STOX1: variants seen among roughly 807,000 people sequenced by gnomAD.
STOX1 encodes the protein storkhead box 1.
Under a neutral mutation model 74.8 loss-of-function variants are expected in STOX1, and 57 were observed. That is an observed-to-expected ratio of 0.76 (90% confidence interval 0.62 to 0.95). The LOEUF is 0.95. Ranked by LOEUF, STOX1 falls within the 40% of genes least tolerant of loss-of-function variation. The pLI, the probability that STOX1 is intolerant of heterozygous loss-of-function variation, is 0.00. For synonymous variants in STOX1, 375 were observed against 401.3 expected, an observed-to-expected ratio of 0.93 and a Z score of 0.78; for missense variants, 1,010 against 1,117.0, an observed-to-expected ratio of 0.90 and a Z score of 1.37.
intron 1 of STOX1, among the ~76,000 whole-genome samples, chr10:68,830,544 T>A (rs1839379248): frequency 6.6e-6 from 1 of 152,150 alleles, no homozygotes; most frequent in Admixed American, 6.6e-5. Context: ...GGTTTCACCA[T>A]GTTGGCCAGA....
At chr10:68,856,092 G>C (rs1840119395) in intron 1 of STOX1, among the ~76,000 whole-genome samples, 1 of 151,994 alleles carries the variant, frequency 6.6e-6, no homozygotes, top group African/African-American at 2.4e-5. Context: ...GAGGGCACAG[G>C]GTAGCAGGTT....
chr10:68,833,997 C>A (rs1242613767), intron 1 of STOX1, among the ~76,000 whole-genome samples: 1 of 152,170 alleles, frequency 6.6e-6, no homozygotes, highest in Non-Finnish European at 1.5e-5. Flanking sequence ...CTGGTTCACA[C>A]AATCTTCTCC....
At chr10:68,857,411 T>C (rs1398102472) in intron 1 of STOX1, among the ~76,000 whole-genome samples, 5 of 152,108 alleles carry the variant, frequency 3.3e-5, no homozygotes, top group South Asian at 2.1e-4. Context: ...TTTAACCTTC[T>C]GGAATATACA....
At chr10:68,880,184 TTTTTG>T (rs1190257062) in intron 1 of STOX1, among the ~76,000 whole-genome samples, 1 of 75,148 alleles carries the variant, frequency 1.3e-5, no homozygotes, top group Non-Finnish European at 3.3e-5. Flanking sequence ...TTTTTTTTTG[TTTTTG>T]TTTTGTTTTC....
At chr10:68,854,183 A>G (rs1286215176) in intron 1 of STOX1, among the ~76,000 whole-genome samples, 1 of 151,056 alleles carries the variant, frequency 6.6e-6, no homozygotes, top group African/African-American at 2.4e-5. Context: ...TTAGTAGAGA[A>G]GGAGTTTCAC....
intron 1 of STOX1, among the ~76,000 whole-genome samples, chr10:68,875,239 C>T (rs1432361604): frequency 1.3e-5 from 2 of 152,208 alleles, no homozygotes; most frequent in African/African-American, 4.8e-5. Flanking sequence ...ACTGGGTAGG[C>T]CCATGTGCTG....
intron 1 of STOX1, among the ~76,000 whole-genome samples, chr10:68,844,600 G>A (rs1443168977): frequency 6.6e-6 from 1 of 151,964 alleles, no homozygotes; most frequent in Non-Finnish European, 1.5e-5. Context: ...TGCCTCGCCT[G>A]TATCTTCTTT....
At chr10:68,861,892 C>T (rs1190522390) in intron 1 of STOX1, among the ~76,000 whole-genome samples, 1 of 151,908 alleles carries the variant, frequency 6.6e-6, no homozygotes, top group East Asian at 1.9e-4. Context: ...TTATTTTTTT[C>T]TATTCATGCT....
At chr10:68,829,447 G>A (rs1839350311) in intron 1 of STOX1, among the ~76,000 whole-genome samples, 1 of 152,212 alleles carries the variant, frequency 6.6e-6, no homozygotes, top group Admixed American at 6.5e-5. Flanking sequence ...AATCCAGGAG[G>A]TGGTGGTTGC....
chr10:68,882,043 T>C lies in STOX1; in HGVS notation c.396T>C (p.Asp132=), dbSNP rs576628714. The change falls in exon 2 of 4, where the codon GAT becomes GAC. Residue 132 remains aspartate, a synonymous_variant. Coordinates refer to ENST00000298596, the MANE Select transcript of STOX1 (RefSeq NM_152709.5). ...LGEVLCCAIS[D]MNTAQIVVTQ... is the part of the protein sequence containing the mutation. ...AAGTTCTTTGCTGTGCTATATCTGA[T>C]ATGAATACAGCTCAGATTGTAGTAA... 1.2e-6 allele frequency: 2 copies of C among 1,613,736 alleles called. No homozygotes were observed. The highest frequency in any genetic ancestry group is 1.1e-5 in the South Asian group (1 of 91,080).
At chr10:68,857,306 A>T (rs1840152092) in intron 1 of STOX1, among the ~76,000 whole-genome samples, 1 of 152,068 alleles carries the variant, frequency 6.6e-6, no homozygotes, top group Admixed American at 6.5e-5. Context: ...GTTTACATGA[A>T]GGAGAAAAAG....
intron 3 of STOX1, among the ~76,000 whole-genome samples, chr10:68,889,938 TTG>T (rs554729021): frequency 1.3e-5 from 2 of 150,896 alleles, no homozygotes. Context: ...CCCAGCTATT[TTG>T]TGTGTGTGTG....
chr10:68,887,035 AC>A (rs1207950998), intron 3 of STOX1, among the ~76,000 whole-genome samples: 2 of 152,248 alleles, frequency 1.3e-5, no homozygotes, highest in Non-Finnish European at 2.9e-5. Flanking sequence ...CTATAATGAT[AC>A]AATTCTGCCA....
At chr10:68,886,650 CG>C (rs1564589618) in intron 3 of STOX1, 32 bp downstream of exon 3, 1 of 1,599,916 alleles carries the variant, frequency 6.3e-7, no homozygotes, top group Non-Finnish European at 8.5e-7. Flanking sequence ...TGATTTAGGC[CG>C]GGCGCAGTGG....
chr10:68,858,502 T>C (rs1289380895), intron 1 of STOX1, among the ~76,000 whole-genome samples: 1 of 152,102 alleles, frequency 6.6e-6, no homozygotes, highest in East Asian at 1.9e-4. Context: ...TAGAAATGCT[T>C]CTTAGTAAAA....
In STOX1 at chr10:68,848,074, G is replaced by C. The variant is rs970196863; in HGVS notation, c.310+20141G>C. On this transcript the variant is annotated intron_variant, in intron 1 of 3. Transcript: ENST00000298596. ...TCTTCTCTTCTCCTGCCTCCATCTT[G>C]CTTGGAATAGATCAAGTCCTTTCCT... 2.6e-5 allele frequency among the ~76,000 whole-genome samples: 4 copies of C among 152,258 alleles called. No individual in the cohort carries two copies. In the South Asian group the frequency reaches 8.3e-4, roughly 32 times the overall value.
At chr10:68,854,213 T>C (rs1840063639) in intron 1 of STOX1, among the ~76,000 whole-genome samples, 1 of 151,940 alleles carries the variant, frequency 6.6e-6, no homozygotes, top group Non-Finnish European at 1.5e-5. Flanking sequence ...CAGGCTGATC[T>C]CGAACTCCTG....
chr10:68,887,181 T>A (rs1025729552), intron 3 of STOX1, among the ~76,000 whole-genome samples: 8 of 152,198 alleles, frequency 5.3e-5, no homozygotes, highest in African/African-American at 1.9e-4. Flanking sequence ...TTTCTAAAAA[T>A]AGAAATTTCT....
intron 3 of STOX1, among the ~76,000 whole-genome samples, chr10:68,890,926 A>G (rs1841083827): frequency 6.6e-6 from 1 of 152,180 alleles, no homozygotes; most frequent in Non-Finnish European, 1.5e-5. Context: ...TGCTGGGATT[A>G]CAGGTGTGAG....
Sources: gnomAD v4.1 joint callset for allele counts (sites outside exome capture counted in the v4.1 genomes callset) on GRCh38, gnomAD v4.1.1 for gene constraint, MANE v1.5 for transcripts, NCBI Gene and HGNC (gene_info 2026-07-23, HGNC 2026-07-21) for gene names.